CMC2: variants seen among roughly 807,000 people sequenced by gnomAD.
CMC2 encodes the protein COX assembly mitochondrial protein 2 homolog.
A neutral mutation model predicts 7.5 loss-of-function variants in CMC2; 5 were observed. The ratio of observed to expected loss-of-function variants is 0.66; its 90% CI spans 0.35 to 1.40. CMC2 has a LOEUF of 1.40. Among genes scored for constraint, CMC2 ranks in the 40% most tolerant of loss-of-function variants. The pLI is 0.04. For synonymous variants in CMC2, 37 were observed against 31.4 expected (o/e 1.18, Z -0.60); for missense variants, 115 against 92.3 (o/e 1.25, Z -1.01).
At position 80,973,703 on chromosome 16, in the gene CMC2, T is replaced by G. The variant is rs1002832485; in HGVS notation, c.*2390A>C. 1 of 152,216 alleles carries G rather than the reference T, an allele frequency of 6.6e-6. No individual in the cohort carries two copies. Among genetic ancestry groups the G allele is most frequent in the African/African-American group, 2.4e-5 (1 of 41,430 alleles). 9.4% of individuals were successfully genotyped at this position (152,216 alleles called of 1,614,324 possible). The stretch of plus-strand genomic sequence containing the variant: ...CAGCTCATGCCACCCTCCCCCTTGC[T>G]CACTGTGCTCCAGTTCACTAGCATT... On this transcript the variant is annotated 3_prime_UTR_variant, in exon 4 of 4. Coordinates refer to ENST00000219400, the MANE Select transcript of CMC2 (RefSeq NM_020188.5).
At chr16:81,006,074 C>T (rs1969301549) in intron 1 of CMC2, among the ~76,000 whole-genome samples, 1 of 152,136 alleles carries the variant, frequency 6.6e-6, no homozygotes, top group African/African-American at 2.4e-5. Flanking sequence ...CCATCGAAAA[C>T]TTCCATGCCT....
rs1428130119 is a variant in CMC2 at position 80,972,375 on chromosome 16, T to C, written c.*3718A>G. ...TGAGGATTTTTTGTTTTTCGTTTTT[T>C]TTGTTTTTTTCTAAGAACAGAATGA... On this transcript the variant is annotated 3_prime_UTR_variant, in exon 4 of 4. Transcript: ENST00000219400. 1 of 152,220 alleles carries C rather than the reference T, an allele frequency of 6.6e-6. No homozygotes were observed. The highest frequency in any genetic ancestry group is 2.4e-5 in the African/African-American group (1 of 41,452). The allele number at this position is 152,220 out of a possible 1,614,324, so 9.4% of individuals were successfully genotyped here. A position where few individuals can be genotyped will look rare whatever the true frequency, so the allele number is the denominator to read the frequency against.
At chr16:80,987,221 G>C (rs534099455) in intron 2 of CMC2, among the ~76,000 whole-genome samples, 1 of 152,246 alleles carries the variant, frequency 6.6e-6, no homozygotes, top group Non-Finnish European at 1.5e-5. Context: ...AGAAGGCTGG[G>C]ATTATGGGAA....
chr16:81,000,253 T>A (rs566345894), intron 1 of CMC2, among the ~76,000 whole-genome samples: 1 of 152,200 alleles, frequency 6.6e-6, no homozygotes, highest in African/African-American at 2.4e-5. Flanking sequence ...ATCCCAGCGC[T>A]TTGGGAGGCC....
chr16:80,993,369 A>G (rs1968157777), intron 2 of CMC2, among the ~76,000 whole-genome samples: 1 of 152,168 alleles, frequency 6.6e-6, no homozygotes, highest in African/African-American at 2.4e-5. Flanking sequence ...TGGTAGTTTC[A>G]CCGAGCAGAG....
intron 3 of CMC2, chr16:80,980,820 G>T: frequency 1.4e-6 from 1 of 700,152 alleles, no homozygotes; most frequent in South Asian, 1.5e-5. Context: ...ACTTGAGTTT[G>T]AGGCTTCCGT....
At chr16:81,006,460 C>A (rs931123023) in intron 1 of CMC2, 1 of 153,926 alleles carries the variant, frequency 6.5e-6, no homozygotes, top group Non-Finnish European at 1.4e-5. Flanking sequence ...CCCAAGGTCA[C>A]CAGCCAGTTG....
At chr16:80,979,613 TTTTATTTTTTTTTAA>T (rs1966960471) in intron 3 of CMC2, among the ~76,000 whole-genome samples, 1 of 149,444 alleles carries the variant, frequency 6.7e-6, no homozygotes. Context: ...TTATTTTTTA[TTTTATTTTTTTTTAA>T]TTTATTTAGA....
chr16:80,976,310 A>G, intron 3 of CMC2, 131 bp from the exon 4 acceptor site: 1 of 578,752 alleles, frequency 1.7e-6, no homozygotes, highest in Non-Finnish European at 3.0e-6. Flanking sequence ...TTTTTTAAAC[A>G]TGTTCTTACT....
At position 80,975,953 on chromosome 16, in the gene CMC2, A is replaced by C. The variant is rs1309828041; in HGVS notation, c.*140T>G. On this transcript the variant is annotated 3_prime_UTR_variant, in exon 4 of 4. Coordinates refer to ENST00000219400, the MANE Select transcript of CMC2 (RefSeq NM_020188.5). ...CAAATACTCAGAATCCAGGGTTTTC[A>C]TATTTCTCCATGGTTCAATCTCTCA... is the stretch of plus-strand genomic sequence containing the variant. 5 of 628,050 alleles carry C rather than the reference A, an allele frequency of 8.0e-6. No homozygotes were observed. The East Asian group carries it at 1.4e-4, about 18-fold the overall frequency. The allele number at this position is 628,050 out of a possible 1,614,324, so 38.9% of individuals were successfully genotyped here.
chr16:80,980,277 G>C (rs143388380), intron 3 of CMC2, among the ~76,000 whole-genome samples: 2 of 149,950 alleles, frequency 1.3e-5, no homozygotes, highest in East Asian at 2.0e-4. Context: ...TCATATAAAG[G>C]ACAAACATTT....
chr16:80,978,469 A>G (rs1368530584), intron 3 of CMC2: 1 of 955,080 alleles, frequency 1.0e-6, no homozygotes. Context: ...AAACTCAATC[A>G]AACAATACAG....
Position 80,969,511 on chromosome 16 carries a change from G to C in CMC2, c.*6582C>G, listed in dbSNP as rs1911774005. ...ATGAACTCTCAAAACTGATCCCGTA[G>C]GGTTCCCTCCCAGGACAAGACTCCA... On this transcript the variant is annotated 3_prime_UTR_variant, in exon 4 of 4. Transcript: ENST00000219400. The C allele has an allele frequency of 6.6e-6, 1 of 152,218 alleles. No homozygotes were observed. Among genetic ancestry groups the C allele is most frequent in the Non-Finnish European group, 1.5e-5 (1 of 68,066 alleles). 9.4% of individuals were successfully genotyped at this position (152,218 alleles called of 1,614,324 possible).
chr16:81,005,164 C>T (rs1969169821), intron 1 of CMC2, among the ~76,000 whole-genome samples: 1 of 152,224 alleles, frequency 6.6e-6, no homozygotes, highest in South Asian at 2.1e-4. Flanking sequence ...CGCGGTGGCT[C>T]ACGCCTGTAA....
At chr16:80,979,455 G>C (rs1966943079) in intron 3 of CMC2, among the ~76,000 whole-genome samples, 1 of 151,776 alleles carries the variant, frequency 6.6e-6, no homozygotes, top group South Asian at 2.1e-4. Context: ...AATTGACAAA[G>C]CAGTGGCAAA....
In CMC2 at chr16:80,980,727, C is replaced by CA. The variant is rs113277686; in HGVS notation, c.153+1078dup. On this transcript the variant is annotated intron_variant, in intron 3 of 3. Transcript: ENST00000219400. Reference sequence around the variant, plus strand: ...CAAAACAGTGAGACTCTCATCTCTACAAAAAAATGTGTAAAACCTTAACCA... The same window carrying CA: ...CAAAACAGTGAGACTCTCATCTCTACAAAAAAAATGTGTAAAACCTTAACCA... 1,821 of 647,600 alleles carry CA rather than the reference C, an allele frequency of 2.8e-3. 22 individuals are homozygous for CA. In the African/African-American group the frequency reaches 0.029, roughly 10 times the overall value. 40.1% of individuals were successfully genotyped at this position (647,600 alleles called of 1,614,324 possible). A position where few individuals can be genotyped will look rare whatever the true frequency, so the allele number is the denominator to read the frequency against.
intron 2 of CMC2, among the ~76,000 whole-genome samples, chr16:80,987,518 C>G (rs561056754): frequency 1.6e-4 from 24 of 152,200 alleles, no homozygotes; most frequent in African/African-American, 5.8e-4. Context: ...ATAAGCTGTT[C>G]TAAATTCTGT....
intron 2 of CMC2, among the ~76,000 whole-genome samples, chr16:80,990,520 C>A (rs2549845): frequency 0.65 from 98,559 of 151,506 alleles, 33,791 homozygotes; most frequent in South Asian, 0.8. Context: ...TTTGCTCCTA[C>A]CAACCTCTCA....
At chr16:80,978,251 C>T (rs111691222) in intron 3 of CMC2, 23 of 1,086,610 alleles carry the variant, frequency 2.1e-5, no homozygotes, top group African/African-American at 5.1e-5. Flanking sequence ...CCTTTAATCA[C>T]GTCTACTGGA....
Sources: allele counts gnomAD v4.1 joint callset (sites outside exome capture counted in the v4.1 genomes callset), GRCh38; gene constraint gnomAD v4.1.1; transcripts MANE v1.5; gene names NCBI Gene and HGNC (gene_info 2026-07-23, HGNC 2026-07-21).